HTR1D: variants seen among roughly 807,000 people sequenced by gnomAD.
HTR1D encodes the protein 5-hydroxytryptamine receptor 1D.
A neutral mutation model predicts 21.1 loss-of-function variants in HTR1D; 18 were observed. That is an observed-to-expected ratio of 0.85 (90% CI 0.59 to 1.27). The LOEUF (loss-of-function observed/expected upper bound fraction) is 1.27. HTR1D is among the 50% of genes most tolerant of loss of function. The pLI is 0.00. For synonymous variants in HTR1D, 196 were observed against 204.4 expected, an observed-to-expected ratio of 0.96 and a Z score of 0.35; for missense variants, 456 against 481.4, an observed-to-expected ratio of 0.95 and a Z score of 0.49.
chr1:23,195,264 A>C (rs149368954), intron 1 of HTR1D, among the ~76,000 whole-genome samples: 2 of 152,332 alleles, frequency 1.3e-5, no homozygotes, highest in Non-Finnish European at 1.5e-5. Flanking sequence ...GTGAATCAGA[A>C]AGCATCATTT....
Position 23,193,268 on chromosome 1 carries a change from A to G in HTR1D, c.952T>C (p.Phe318Leu), listed in dbSNP as rs200052654. The G allele has an allele frequency of 9.9e-6, 16 of 1,614,186 alleles. No individual in the cohort carries two copies. In the Admixed American group the frequency reaches 1.5e-4, roughly 15 times the overall value. ...ATGGGGAGGACCAGAGACACCACGAAGAAGGGCAGCCAGCAGATGATAAAG... is the reference window on the plus strand; with the variant it reads ...ATGGGGAGGACCAGAGACACCACGAGGAAGGGCAGCCAGCAGATGATAAAG... ...GAFIICWLPF[F>L]VVSLVLPICR... The change falls in exon 2 of 2, where the codon TTC becomes CTC. Residue 318 changes from phenylalanine to leucine, a missense_variant. By Grantham distance (22) the Phe-to-Leu change is conservative. Transcript: ENST00000374619.
chr1:23,212,439 C>T (rs1302048683), intron 1 of HTR1D, among the ~76,000 whole-genome samples: 1 of 152,174 alleles, frequency 6.6e-6, no homozygotes, highest in Non-Finnish European at 1.5e-5. Context: ...GTTTAACTCT[C>T]CCCTCTTTAC....
At chr1:23,205,821 C>A (rs1419372941) in intron 1 of HTR1D, among the ~76,000 whole-genome samples, 1 of 152,124 alleles carries the variant, frequency 6.6e-6, no homozygotes, top group Non-Finnish European at 1.5e-5. Flanking sequence ...GGATTACAGG[C>A]GTGTGCCACT....
At chr1:23,210,943 T>A (rs1211639521) in intron 1 of HTR1D, among the ~76,000 whole-genome samples, 1 of 152,184 alleles carries the variant, frequency 6.6e-6, no homozygotes, top group Non-Finnish European at 1.5e-5. Context: ...GGAGAAGCTA[T>A]CTTCTCTAGA....
Position 23,194,282 on chromosome 1 carries a change from T to TGACAACA in HTR1D, c.-70_-64dup. 6.8e-7 allele frequency: 1 copy of TGACAACA among 1,480,036 alleles called. No individual in the cohort carries two copies. The highest frequency in any genetic ancestry group is 2.3e-5 in the East Asian group (1 of 44,154). 91.7% of individuals were successfully genotyped at this position (1,480,036 alleles called of 1,614,324 possible). On this transcript the variant is annotated 5_prime_UTR_variant, in exon 2 of 2. An upstream open reading frame in the 5' UTR gains an earlier in-frame stop. Transcript: ENST00000374619. ...TTGGCTCCTTCCTTCAAGGTTGTCC[T>TGACAACA]GACAACAGAGCAAAGTCATCCTTCT...
intron 1 of HTR1D, among the ~76,000 whole-genome samples, chr1:23,207,848 G>A (rs1163861058): frequency 1.4e-5 from 2 of 139,612 alleles, no homozygotes; most frequent in Non-Finnish European, 3.0e-5. Context: ...TGCAACCTCC[G>A]CCCACCAGGG....
intron 1 of HTR1D, among the ~76,000 whole-genome samples, chr1:23,212,975 T>G (rs904258778): frequency 1.3e-5 from 2 of 152,030 alleles, no homozygotes; most frequent in East Asian, 3.9e-4. Context: ...TACAGGTGCA[T>G]GCCACCACAT....
chr1:23,193,017 A>T lies in HTR1D; in HGVS notation c.*69T>A. On this transcript the variant is annotated 3_prime_UTR_variant, in exon 2 of 2. Coordinates refer to ENST00000374619, the MANE Select transcript of HTR1D (RefSeq NM_000864.5). ...TAATCCAAGTCTCAGAAAATAATTA[A>T]AAAAAAAAAAGACAATCCCGATGAG... 7.8e-6 allele frequency: 8 copies of T among 1,022,048 alleles called. No individual in the cohort carries two copies. The highest frequency in any genetic ancestry group is 1.8e-5 in the South Asian group (1 of 55,192). The allele number at this position is 1,022,048 out of a possible 1,614,324, so 63.3% of individuals were successfully genotyped here.
At position 23,193,213 on chromosome 1, in the gene HTR1D, G is replaced by T. The variant is rs758749231; in HGVS notation, c.1007C>A (p.Ala336Glu). ...TAGCCAGGTGAAGAAGTCAAAGAGC[G>T]CCGGGTGGATCCAGCAGGAGTCCCG... The part of the protein sequence containing the change: ...ICRDSCWIHP[A>E]LFDFFTWLGY... The change falls in exon 2 of 2, where the codon GCG (alanine) becomes GAG (glutamate). Residue 336 changes from alanine to glutamate, a missense_variant. By Grantham distance (107) the Ala-to-Glu change is moderately radical. Transcript: ENST00000374619. 6.2e-7 allele frequency: 1 copy of T among 1,614,100 alleles called. No homozygotes were observed. The highest frequency in any genetic ancestry group is 1.7e-5 in the Admixed American group (1 of 59,996).
chr1:23,211,285 G>C (rs1345057055), intron 1 of HTR1D, among the ~76,000 whole-genome samples: 1 of 152,100 alleles, frequency 6.6e-6, no homozygotes, highest in Non-Finnish European at 1.5e-5. Flanking sequence ...CTCCTCTTAG[G>C]AGGACTTACA....
chr1:23,207,246 A>C (rs996722492), intron 1 of HTR1D, among the ~76,000 whole-genome samples: 3 of 152,084 alleles, frequency 2.0e-5, no homozygotes, highest in Non-Finnish European at 4.4e-5. Context: ...AAAAAAAAAT[A>C]CAAAAATTAT....
intron 1 of HTR1D, among the ~76,000 whole-genome samples, chr1:23,203,131 C>T (rs1644716283): frequency 6.6e-6 from 1 of 152,030 alleles, no homozygotes; most frequent in Non-Finnish European, 1.5e-5. Context: ...AACTACTGAC[C>T]TCAGGTGATC....
chr1:23,194,107 T>C lies in HTR1D; in HGVS notation c.113A>G (p.Lys38Arg), dbSNP rs374884675. ...GGAAAGGACCACGGCAAGGGAGATC[T>C]TGAGCGCCTGGAGGGTCCTGGGATC... ...AWDPRTLQALKISLAVVLSVI... is the reference protein window; with the variant it reads ...AWDPRTLQALRISLAVVLSVI... The change falls in exon 2 of 2, where the codon AAG (lysine) becomes AGG (arginine). Residue 38 changes from lysine to arginine, a missense_variant. Coordinates refer to ENST00000374619, the MANE Select transcript of HTR1D (RefSeq NM_000864.5). 1.2e-6 allele frequency: 2 copies of C among 1,614,086 alleles called. No homozygotes were observed. The highest frequency in any genetic ancestry group is 1.7e-6 in the Non-Finnish European group (2 of 1,179,990).
intron 1 of HTR1D, among the ~76,000 whole-genome samples, chr1:23,213,390 G>T (rs1176139193): frequency 6.6e-6 from 1 of 152,184 alleles, no homozygotes; most frequent in East Asian, 1.9e-4. Context: ...TGAGGCAGGA[G>T]AATCGCTTGA....
rs267598425 is a variant in HTR1D at position 23,193,949 on chromosome 1, C to T, written c.271G>A (p.Val91Ile). The T allele has an allele frequency of 6.2e-6, 10 of 1,614,132 alleles. No homozygotes were observed. Among genetic ancestry groups the T allele is most frequent in the South Asian group, 4.4e-5 (4 of 91,078 alleles). The change falls in exon 2 of 2, where the codon GTA (valine) becomes ATA (isoleucine). Residue 91 changes from valine (V) to isoleucine (I), a missense_variant. Transcript: ENST00000374619. ...GTATAGGCGATGCTGATGGGCATTA[C>T]CAAGATGGAAACCAAGAGGTCGGTG... ...ATTDLLVSIL[V>I]MPISIAYTIT...
At chr1:23,215,266 A>T (rs1013707373) in intron 1 of HTR1D, among the ~76,000 whole-genome samples, 2 of 152,022 alleles carry the variant, frequency 1.3e-5, no homozygotes, top group African/African-American at 4.8e-5. Context: ...AAAATGCAAA[A>T]ATTAGCCAGG....
rs1319600359 is a variant in HTR1D at position 23,193,647 on chromosome 1, G to A, written c.573C>T (p.Asn191=). 3 of 1,613,748 alleles carry A rather than the reference G, an allele frequency of 1.9e-6. No individual in the cohort carries two copies. The South Asian group carries it at 3.3e-5, about 18-fold the overall frequency. ...AGATGGTGTAGGAGATCTGAGAGGT[G>A]TTCACCAGACAGTCCGACATCTCCT... ...AQEEMSDCLV[N]TSQISYTIYS... The change falls in exon 2 of 2, where the codon AAC becomes AAT. Residue 191 remains asparagine, a synonymous_variant. Coordinates refer to ENST00000374619, the MANE Select transcript of HTR1D (RefSeq NM_000864.5).
intron 1 of HTR1D, among the ~76,000 whole-genome samples, chr1:23,211,157 C>T (rs141348580): frequency 2.6e-5 from 4 of 152,296 alleles, no homozygotes; most frequent in Non-Finnish European, 5.9e-5. Context: ...TCAGCTCAGC[C>T]GTTTTTCTAG....
At chr1:23,195,787 A>T (rs1226963084) in intron 1 of HTR1D, among the ~76,000 whole-genome samples, 2 of 151,950 alleles carry the variant, frequency 1.3e-5, no homozygotes, top group Non-Finnish European at 2.9e-5. Context: ...CTGGTTGTTC[A>T]TTTGAATCCT....
Sources: allele counts gnomAD v4.1 joint callset (sites outside exome capture counted in the v4.1 genomes callset), GRCh38; gene constraint gnomAD v4.1.1; transcripts MANE v1.5; gene names NCBI Gene and HGNC (gene_info 2026-07-23, HGNC 2026-07-21).